The following TRHDE variants were observed in gnomAD, a reference collection of about 807,000 sequenced individuals.
The protein encoded by TRHDE is thyrotropin-releasing hormone-degrading ectoenzyme.
In TRHDE, 72 loss-of-function variants were observed where a neutral mutation model predicts 125.7. The ratio of observed to expected loss-of-function variants is 0.57; its 90% CI spans 0.47 to 0.70. TRHDE has a LOEUF of 0.70. Ranked by LOEUF, TRHDE falls within the 30% of genes least tolerant of loss-of-function variation. The probability of loss-of-function intolerance (pLI) is 0.00; values close to 1 mark genes in which losing one functional copy is unlikely to be tolerated. For synonymous variants in TRHDE, 509 were observed against 509.1 expected (o/e 1.00, Z 0.00); for missense variants, 1,110 against 1,327.1 (o/e 0.84, Z 2.54).
intron 3 of TRHDE, among the ~76,000 whole-genome samples, chr12:72,382,495 T>G (rs2135781825): frequency 6.6e-6 from 1 of 152,270 alleles, no homozygotes; most frequent in Admixed American, 6.5e-5. Context: ...CTGTTTCTGC[T>G]GAAGTGATGG....
chr12:72,143,184 C>T (rs570853811), intron 2 of TRHDE, among the ~76,000 whole-genome samples: 16 of 152,256 alleles, frequency 1.1e-4, no homozygotes, highest in East Asian at 1.9e-4. Flanking sequence ...CTGCACCTGC[C>T]GACCTGCATG....
intron 3 of TRHDE, among the ~76,000 whole-genome samples, chr12:72,462,903 C>T (rs534986197): frequency 4.6e-5 from 7 of 152,270 alleles, no homozygotes; most frequent in Non-Finnish European, 2.9e-5. Flanking sequence ...TTGTTAGTCT[C>T]CTTCTCTGCT....
intron 6 of TRHDE, among the ~76,000 whole-genome samples, chr12:72,511,667 GT>G (rs1376108236): frequency 6.6e-6 from 1 of 152,026 alleles, no homozygotes; most frequent in African/African-American, 2.4e-5. Context: ...TTATTAACTT[GT>G]GCATTTTGCT....
At chr12:72,249,078 A>C (rs1328644052) in intron 2 of TRHDE, among the ~76,000 whole-genome samples, 9 of 152,168 alleles carry the variant, frequency 5.9e-5, no homozygotes, top group Non-Finnish European at 1.2e-4. Context: ...AATATAAATG[A>C]TGTAACTATA....
At chr12:72,599,127 C>G (rs1872102349) in intron 12 of TRHDE, among the ~76,000 whole-genome samples, 1 of 151,956 alleles carries the variant, frequency 6.6e-6, no homozygotes, top group Non-Finnish European at 1.5e-5. Flanking sequence ...TAACCCACTG[C>G]TGATGTGCAC....
At chr12:72,354,813 C>A (rs529950686) in intron 2 of TRHDE, among the ~76,000 whole-genome samples, 1 of 150,798 alleles carries the variant, frequency 6.6e-6, no homozygotes, top group African/African-American at 2.4e-5. Context: ...GTAGGCACTA[C>A]GCCAATTGTC....
intron 6 of TRHDE, among the ~76,000 whole-genome samples, chr12:72,503,020 A>G (rs890427889): frequency 2.0e-5 from 3 of 152,130 alleles, no homozygotes; most frequent in Non-Finnish European, 4.4e-5. Flanking sequence ...TATGTGCATA[A>G]TGAGTAATAA....
chr12:72,568,984 G>C lies in TRHDE; in HGVS notation c.2131+328G>C, dbSNP rs1870590893. On this transcript the variant is annotated intron_variant, in intron 10 of 18. Coordinates refer to ENST00000261180, the MANE Select transcript of TRHDE (RefSeq NM_013381.3). ...TAATTATAACCTCAAAGAGAAGAGT[G>C]TGCCAAATACTGAAAACACAGGTCT... is the stretch of plus-strand genomic sequence containing the variant. Among the ~76,000 whole-genome samples the C allele has an allele frequency of 2.0e-5, 3 of 152,166 alleles. No homozygotes were observed. In the South Asian group the frequency reaches 6.2e-4, roughly 32 times the overall value.
rs114702114 is a variant in TRHDE, at chr12:72,209,898, T to A, written n.279+104146T>A. On this transcript the variant is annotated intron_variant and non_coding_transcript_variant, in intron 2 of 4. Transcript: ENST00000548156. Reference sequence around the variant, plus strand: ...GTGTTGATTAAATCCTTCATGCTGCTTGAATGTTTATTATCATTGAATTGT... The same window carrying A: ...GTGTTGATTAAATCCTTCATGCTGCATGAATGTTTATTATCATTGAATTGT... Among the ~76,000 whole-genome samples, 774 of 152,312 alleles carry A rather than the reference T, an allele frequency of 5.1e-3. 7 individuals carry two copies. Among genetic ancestry groups the A allele is most frequent in the African/African-American group, 0.018 (751 of 41,582 alleles).
intron 2 of TRHDE, among the ~76,000 whole-genome samples, chr12:72,177,597 A>G (rs115453188): frequency 0.029 from 4,437 of 152,256 alleles, 111 homozygotes; most frequent in African/African-American, 0.064. Flanking sequence ...AATAAAGACT[A>G]AAAGCCAATT....
intron 5 of TRHDE, among the ~76,000 whole-genome samples, chr12:72,477,833 T>C (rs1876972386): frequency 6.6e-6 from 1 of 152,192 alleles, no homozygotes; most frequent in Non-Finnish European, 1.5e-5. Context: ...GCATAGTGCA[T>C]AGGTGTCATT....
intron 4 of TRHDE, among the ~76,000 whole-genome samples, chr12:72,470,753 T>C (rs1876602492): frequency 6.6e-6 from 1 of 151,278 alleles, no homozygotes; most frequent in Non-Finnish European, 1.5e-5. Context: ...GAAAGAGTGA[T>C]GTGAAAAATG....
chr12:72,272,829 C>T lies in TRHDE; in HGVS notation c.186C>T (p.Asp62=), dbSNP rs374101133. 50 of 1,580,610 alleles carry T rather than the reference C, an allele frequency of 3.2e-5. No homozygotes were observed. The highest frequency in any genetic ancestry group is 1.3e-5 in the Non-Finnish European group (15 of 1,169,760). ...ALRAGSRGLS[D]PWADSVGVRP... ...GGGCTGGCAGCAGGGGGCTCTCCGA[C>T]CCGTGGGCAGACTCAGTGGGAGTGC... The change falls in exon 1 of 19, where the codon GAC becomes GAT. Residue 62 remains aspartate (D), a synonymous_variant. Transcript: ENST00000261180. This position sits in a 1 kb window ranked among gnomAD's most constrained non-coding sequence, Gnocchi z 6.7.
At position 72,187,480 on chromosome 12, in the gene TRHDE, G is replaced by A. The variant is rs960406531; in HGVS notation, n.279+81728G>A. On this transcript the variant is annotated intron_variant and non_coding_transcript_variant, in intron 2 of 4. Transcript: ENST00000548156. ...TGGTGGTGGTGGTGGTTGTGGTCGT[G>A]GTGGTGGTGGTGGTGGTGGTGGTGG... is the stretch of plus-strand genomic sequence containing the variant. Among the ~76,000 whole-genome samples the A allele has an allele frequency of 2.0e-3, 296 of 145,710 alleles. 2 individuals carry two copies. Among genetic ancestry groups the A allele is most frequent in the African/African-American group, 7.0e-3 (275 of 39,168 alleles).
At chr12:72,294,941 C>T (rs530014140) in intron 2 of TRHDE, among the ~76,000 whole-genome samples, 6 of 151,804 alleles carry the variant, frequency 4.0e-5, no homozygotes, top group Non-Finnish European at 5.9e-5. Flanking sequence ...GAGCTTGCCC[C>T]GACTTTGCTC....
At chr12:72,486,618 C>T (rs1447823143) in intron 5 of TRHDE, among the ~76,000 whole-genome samples, 1 of 152,176 alleles carries the variant, frequency 6.6e-6, no homozygotes, top group East Asian at 1.9e-4. Context: ...AGAGCAACTT[C>T]ACCCTGCCCA....
chr12:72,178,038 A>G (rs1053572607), intron 2 of TRHDE, among the ~76,000 whole-genome samples: 1 of 152,168 alleles, frequency 6.6e-6, no homozygotes, highest in Non-Finnish European at 1.5e-5. Context: ...TTAACATACA[A>G]TCCAGAAAAT....
chr12:72,172,408 A>C (rs1262306734), intron 2 of TRHDE, among the ~76,000 whole-genome samples: 1 of 152,138 alleles, frequency 6.6e-6, no homozygotes, highest in Admixed American at 6.6e-5. Context: ...TAATTTTCTC[A>C]TCTTAAATAT....
At chr12:72,176,615 T>C (rs1052561797) in intron 2 of TRHDE, among the ~76,000 whole-genome samples, 13 of 152,208 alleles carry the variant, frequency 8.5e-5, no homozygotes, top group African/African-American at 2.7e-4. Flanking sequence ...TCTAAGAAAC[T>C]GTTATTAAAT....
Sources: allele counts gnomAD v4.1 joint callset (sites outside exome capture counted in the v4.1 genomes callset), GRCh38; gene constraint gnomAD v4.1.1; non-coding constraint Gnocchi (gnomAD v3.1); transcripts MANE v1.5; gene names NCBI Gene and HGNC (gene_info 2026-07-23, HGNC 2026-07-21).